The following SCTR variants were observed in gnomAD, a reference collection of about 807,000 sequenced individuals.
SCTR encodes secretin receptor.
SCTR carries 56 observed loss-of-function variants against 60.8 expected under a neutral mutation model. The observed-to-expected ratio is 0.92, with a 90% confidence interval of 0.74 to 1.15. The LOEUF (loss-of-function observed/expected upper bound fraction) is 1.15, where lower values mean the gene tolerates loss of function less well. SCTR is among the 50% of genes most tolerant of loss of function. SCTR has a pLI of 0.00. For missense variants in SCTR, 562 were observed against 550.4 expected (o/e 1.02, Z -0.21); for synonymous variants, 202 against 217.0 (o/e 0.93, Z 0.61).
At chr2:119,458,845 C>T (rs116113614) in intron 7 of SCTR, among the ~76,000 whole-genome samples, 1 of 152,214 alleles carries the variant, frequency 6.6e-6, no homozygotes, top group South Asian at 2.1e-4. Flanking sequence ...AGTCTCTGGG[C>T]GGGGAGTGCA....
intron 1 of SCTR, among the ~76,000 whole-genome samples, chr2:119,506,183 G>A (rs1028765622): frequency 5.9e-5 from 9 of 152,064 alleles, no homozygotes; most frequent in Non-Finnish European, 8.8e-5. Flanking sequence ...GAAAACTCAC[G>A]TTCACAGAAA....
chr2:119,499,427 G>A (rs770771240), intron 1 of SCTR, among the ~76,000 whole-genome samples: 5 of 151,996 alleles, frequency 3.3e-5, no homozygotes, highest in Non-Finnish European at 7.4e-5. Context: ...TTTTAATCAA[G>A]TGCTCATGGA....
chr2:119,470,254 A>G (rs1190637162), intron 4 of SCTR, among the ~76,000 whole-genome samples: 1 of 152,226 alleles, frequency 6.6e-6, no homozygotes, highest in Middle Eastern at 3.2e-3. Flanking sequence ...ATAGTGGTGT[A>G]TACCAAGTAA....
intron 1 of SCTR, among the ~76,000 whole-genome samples, chr2:119,500,840 A>G (rs1678520127): frequency 6.6e-6 from 1 of 152,316 alleles, no homozygotes; most frequent in East Asian, 1.9e-4. Flanking sequence ...AGTTTAAAAT[A>G]ATCTGTTGTA....
In SCTR at chr2:119,444,480, T is replaced by A. The variant is rs569803344; in HGVS notation, c.1140+2279A>T. Among the ~76,000 whole-genome samples, 66 of 102,816 alleles carry A rather than the reference T, an allele frequency of 6.4e-4. 6 individuals carry two copies. Among genetic ancestry groups the A allele is most frequent in the African/African-American group, 3.3e-3 (63 of 19,038 alleles). 67.5% of individuals were successfully genotyped at this position (102,816 alleles called of 152,430 possible). The stretch of plus-strand genomic sequence containing the variant: ...ATATATATACACATATATACGTACG[T>A]ATATATATACACATATATACGTACG... On this transcript the variant is annotated intron_variant, in intron 11 of 12. Coordinates refer to ENST00000019103, the MANE Select transcript of SCTR (RefSeq NM_002980.3).
At chr2:119,491,550 T>G (rs1230718951) in intron 2 of SCTR, among the ~76,000 whole-genome samples, 1 of 152,178 alleles carries the variant, frequency 6.6e-6, no homozygotes, top group Non-Finnish European at 1.5e-5. Flanking sequence ...TCACTCTTGT[T>G]GCCCAGGCTG....
At chr2:119,514,321 G>A (rs1047775927) in intron 1 of SCTR, among the ~76,000 whole-genome samples, 1 of 152,096 alleles carries the variant, frequency 6.6e-6, no homozygotes, top group African/African-American at 2.4e-5. Flanking sequence ...TGCCTTCCTT[G>A]GATATTTGGT....
chr2:119,444,268 CATATAT>C (rs1283673332), intron 11 of SCTR, among the ~76,000 whole-genome samples: 15 of 82,842 alleles, frequency 1.8e-4, no homozygotes, highest in African/African-American at 3.6e-4. Context: ...TGAATATATA[CATATAT>C]ACATATGAAT....
At chr2:119,501,699 A>G (rs868837684) in intron 1 of SCTR, among the ~76,000 whole-genome samples, 2 of 152,246 alleles carry the variant, frequency 1.3e-5, no homozygotes, top group Non-Finnish European at 2.9e-5. Flanking sequence ...TGATCATAAC[A>G]TATTGTATAC....
At chr2:119,506,144 A>T (rs1678733307) in intron 1 of SCTR, among the ~76,000 whole-genome samples, 1 of 152,210 alleles carries the variant, frequency 6.6e-6, no homozygotes. Context: ...TGCAACTACG[A>T]CAGTCCTGGG....
intron 5 of SCTR, among the ~76,000 whole-genome samples, chr2:119,464,734 G>A (rs1174735547): frequency 6.6e-6 from 1 of 152,114 alleles, no homozygotes; most frequent in Non-Finnish European, 1.5e-5. Context: ...GTCTCTAAAT[G>A]AATAAATAAA....
intron 7 of SCTR, among the ~76,000 whole-genome samples, chr2:119,461,478 G>A (rs991622152): frequency 6.6e-5 from 10 of 152,174 alleles, no homozygotes; most frequent in Non-Finnish European, 1.3e-4. Context: ...TTGGGAGGCC[G>A]AGGCGGGCGG....
intron 1 of SCTR, among the ~76,000 whole-genome samples, chr2:119,513,782 G>A (rs901804900): frequency 6.6e-6 from 1 of 152,088 alleles, no homozygotes; most frequent in Non-Finnish European, 1.5e-5. Flanking sequence ...ATTGCCTACT[G>A]TCTTCTCTGG....
chr2:119,507,898 T>C (rs1189167978), intron 1 of SCTR, among the ~76,000 whole-genome samples: 2 of 152,060 alleles, frequency 1.3e-5, no homozygotes, highest in Admixed American at 1.3e-4. Flanking sequence ...AGGATGATCT[T>C]GATCTCTTGA....
At chr2:119,469,528 T>A (rs960186221) in intron 4 of SCTR, among the ~76,000 whole-genome samples, 1 of 152,150 alleles carries the variant, frequency 6.6e-6, no homozygotes, top group Non-Finnish European at 1.5e-5. Context: ...TCTCACTCTG[T>A]CATCCAGGCT....
Position 119,524,339 on chromosome 2 carries a change from C to T in SCTR, c.-113G>A. ...CCGGGCTCCGGCCGGCCGCTGCGCC[C>T]CGAGGAGCCATGGCTGAGCCACCCG... On this transcript the variant is annotated 5_prime_UTR_variant, in exon 1 of 13. Transcript: ENST00000019103. The T allele has an allele frequency of 3.0e-6, 2 of 665,232 alleles. No individual in the cohort carries two copies. Among genetic ancestry groups the T allele is most frequent in the Non-Finnish European group, 4.4e-6 (2 of 452,072 alleles). The allele number at this position is 665,232 out of a possible 1,614,324, so 41.2% of individuals were successfully genotyped here.
chr2:119,460,468 ATGGATGGG>A (rs1449184495), intron 7 of SCTR, among the ~76,000 whole-genome samples: 1 of 150,136 alleles, frequency 6.7e-6, no homozygotes, highest in African/African-American at 2.5e-5. Flanking sequence ...GGATGGATGG[ATGGATGGG>A]TGTTAATGGC....
In SCTR at chr2:119,463,561, C is replaced by A. The variant is rs528111120; in HGVS notation, c.636+562G>T. On this transcript the variant is annotated intron_variant, in intron 6 of 12. Coordinates refer to ENST00000019103, the MANE Select transcript of SCTR (RefSeq NM_002980.3). Reference sequence around the variant, plus strand: ...GACTGCTTACGTAGGAAACAGCCCCCATTTGTTTAAGACCCCAATATATAG... The same window carrying A: ...GACTGCTTACGTAGGAAACAGCCCCAATTTGTTTAAGACCCCAATATATAG... Among the ~76,000 whole-genome samples, 6 of 152,300 alleles carry A rather than the reference C, an allele frequency of 3.9e-5. 1 individual carries two copies. The South Asian group carries it at 8.3e-4, about 21-fold the overall frequency.
intron 1 of SCTR, among the ~76,000 whole-genome samples, chr2:119,515,866 T>C (rs1401197930): frequency 6.6e-6 from 1 of 152,206 alleles, no homozygotes; most frequent in African/African-American, 2.4e-5. Flanking sequence ...TCAGTGTAAC[T>C]ATTCATAGTA....
Sources: allele counts gnomAD v4.1 joint callset (sites outside exome capture counted in the v4.1 genomes callset), GRCh38; gene constraint gnomAD v4.1.1; transcripts MANE v1.5; gene names NCBI Gene and HGNC (gene_info 2026-07-23, HGNC 2026-07-21).